The following FAM171A1 variants were observed in gnomAD, a reference collection of about 807,000 sequenced individuals.
The protein encoded by FAM171A1 is protein FAM171A1.
A neutral mutation model predicts 74.9 loss-of-function variants in FAM171A1; 23 were observed. The observed-to-expected ratio is 0.31, with a 90% CI of 0.22 to 0.44. The LOEUF (loss-of-function observed/expected upper bound fraction) is 0.44, where lower values mean the gene tolerates loss of function less well. Ranked by LOEUF, FAM171A1 falls within the 20% of genes least tolerant of loss-of-function variation. The probability of loss-of-function intolerance (pLI) is 1.00; values close to 1 mark genes in which losing one functional copy is unlikely to be tolerated. For missense variants in FAM171A1, 1,162 were observed against 1,159.2 expected, an observed-to-expected ratio of 1.00 and a Z score of -0.03; for synonymous variants, 527 against 505.7, an observed-to-expected ratio of 1.04 and a Z score of -0.57.
At chr10:15,284,594 T>G (rs1317176904) in intron 1 of FAM171A1, among the ~76,000 whole-genome samples, 1 of 152,122 alleles carries the variant, frequency 6.6e-6, no homozygotes, top group Non-Finnish European at 1.5e-5. Context: ...AGCTAATTTT[T>G]GTAGAGATGG....
At chr10:15,264,781 T>TA (rs1229522341) in intron 3 of FAM171A1, among the ~76,000 whole-genome samples, 2 of 151,842 alleles carry the variant, frequency 1.3e-5, no homozygotes, top group South Asian at 2.1e-4. Flanking sequence ...CCCTGTCTCT[T>TA]AAAAAAAATA....
intron 1 of FAM171A1, among the ~76,000 whole-genome samples, chr10:15,311,356 T>C (rs1835357455): frequency 6.6e-6 from 1 of 152,132 alleles, no homozygotes; most frequent in African/African-American, 2.4e-5. Flanking sequence ...AGGAAGAAGA[T>C]TGGAGAAAAA....
intron 1 of FAM171A1, among the ~76,000 whole-genome samples, chr10:15,311,051 C>T (rs772855443): frequency 3.9e-5 from 6 of 152,158 alleles, no homozygotes; most frequent in Admixed American, 6.5e-5. Flanking sequence ...GCTGCTGGGG[C>T]GTATCTCTGT....
chr10:15,259,971 A>G (rs1834634977), intron 3 of FAM171A1, among the ~76,000 whole-genome samples: 2 of 152,112 alleles, frequency 1.3e-5, no homozygotes, highest in South Asian at 4.2e-4. Context: ...GACTACAGGC[A>G]CATGCCACAA....
intron 3 of FAM171A1, among the ~76,000 whole-genome samples, chr10:15,258,280 C>G (rs1464445647): frequency 6.6e-6 from 1 of 152,052 alleles, no homozygotes; most frequent in Admixed American, 6.5e-5. Context: ...AGGCTGGTCT[C>G]GATCTCCTGA....
intron 1 of FAM171A1, among the ~76,000 whole-genome samples, chr10:15,299,079 C>T (rs180925663): frequency 9.9e-5 from 15 of 152,230 alleles, no homozygotes; most frequent in African/African-American, 3.4e-4. Context: ...CACCACCACG[C>T]CCGGTGAATT....
intron 3 of FAM171A1, among the ~76,000 whole-genome samples, chr10:15,267,759 C>T (rs1439094368): frequency 6.6e-6 from 1 of 152,112 alleles, no homozygotes; most frequent in Non-Finnish European, 1.5e-5. Context: ...AAGTGTCCAG[C>T]TGTCAGGGCC....
At chr10:15,276,969 G>C (rs1191730848) in intron 2 of FAM171A1, among the ~76,000 whole-genome samples, 2 of 152,166 alleles carry the variant, frequency 1.3e-5, no homozygotes, top group African/African-American at 4.8e-5. Flanking sequence ...TTATAGGCTA[G>C]AGCCACTGCA....
intron 1 of FAM171A1, among the ~76,000 whole-genome samples, chr10:15,313,503 T>C (rs1326104543): frequency 6.6e-6 from 1 of 152,166 alleles, no homozygotes; most frequent in African/African-American, 2.4e-5. Flanking sequence ...AAATTGAAGA[T>C]GAAAATATAT....
At chr10:15,330,210 T>C (rs1835611092) in intron 1 of FAM171A1, among the ~76,000 whole-genome samples, 1 of 151,926 alleles carries the variant, frequency 6.6e-6, no homozygotes, top group Non-Finnish European at 1.5e-5. Context: ...GGCATGGTGG[T>C]GCACGCCTGT....
chr10:15,226,209 C>A (rs1400298526), intron 5 of FAM171A1, among the ~76,000 whole-genome samples: 2 of 152,338 alleles, frequency 1.3e-5, no homozygotes, highest in South Asian at 4.1e-4. Flanking sequence ...GCTGCGCCAA[C>A]CTGGTCGTGC....
intron 1 of FAM171A1, among the ~76,000 whole-genome samples, chr10:15,349,611 T>C (rs7904933): frequency 0.88 from 134,190 of 152,176 alleles, 59,195 homozygotes; most frequent in East Asian, 1. Context: ...ATCACTCCTA[T>C]GCCATCAGAA....
intron 1 of FAM171A1, among the ~76,000 whole-genome samples, chr10:15,347,846 A>G (rs1313230111): frequency 1.0e-5 from 1 of 97,202 alleles, no homozygotes; most frequent in Non-Finnish European, 2.7e-5. Context: ...AAAAAAAAAA[A>G]AAAAAAAAAA....
At chr10:15,304,312 G>C (rs1835267636) in intron 1 of FAM171A1, among the ~76,000 whole-genome samples, 1 of 152,136 alleles carries the variant, frequency 6.6e-6, no homozygotes, top group African/African-American at 2.4e-5. Context: ...GCCCCTCCCA[G>C]CAATTACTCC....
intron 5 of FAM171A1, among the ~76,000 whole-genome samples, chr10:15,247,930 A>G (rs1834456182): frequency 6.6e-6 from 1 of 152,152 alleles, no homozygotes; most frequent in African/African-American, 2.4e-5. Context: ...CCTGTGAGTC[A>G]CACTCATTAG....
intron 1 of FAM171A1, among the ~76,000 whole-genome samples, chr10:15,312,039 C>A (rs577966221): frequency 2.6e-5 from 4 of 152,216 alleles, no homozygotes; most frequent in African/African-American, 4.8e-5. Context: ...AGGTGAGTGA[C>A]CTGCCCAGGG....
At chr10:15,230,048 A>C (rs1001825452) in intron 5 of FAM171A1, among the ~76,000 whole-genome samples, 1 of 151,994 alleles carries the variant, frequency 6.6e-6, no homozygotes, top group Non-Finnish European at 1.5e-5. Flanking sequence ...AATAATCTCC[A>C]TAAGTTCCTA....
chr10:15,324,086 G>C (rs1017232790), intron 1 of FAM171A1, among the ~76,000 whole-genome samples: 1 of 152,146 alleles, frequency 6.6e-6, no homozygotes, highest in Non-Finnish European at 1.5e-5. Flanking sequence ...GGCAAGCAAA[G>C]TGGCTCTTAG....
At chr10:15,235,410 G>T (rs1202927416) in intron 5 of FAM171A1, among the ~76,000 whole-genome samples, 1 of 148,816 alleles carries the variant, frequency 6.7e-6, no homozygotes, top group East Asian at 2.0e-4. Flanking sequence ...TTACTGAACT[G>T]AACTTGTCAC....
Sources: gnomAD v4.1 joint callset for allele counts (sites outside exome capture counted in the v4.1 genomes callset) on GRCh38, gnomAD v4.1.1 for gene constraint, MANE v1.5 for transcripts, NCBI Gene and HGNC (gene_info 2026-07-23, HGNC 2026-07-21) for gene names.